Variants in EFR3B observed in about 807,000 individuals in gnomAD.
EFR3B encodes protein EFR3 homolog B.
Under a neutral mutation model 104.7 loss-of-function variants are expected in EFR3B, and 64 were observed. The observed-to-expected ratio is 0.61, with a 90% CI of 0.50 to 0.75. The LOEUF is 0.75. Ranked by LOEUF, EFR3B falls within the 30% of genes least tolerant of loss-of-function variation. The probability of loss-of-function intolerance (pLI) is 0.00; values close to 1 mark genes in which losing one functional copy is unlikely to be tolerated. For synonymous variants in EFR3B, 385 were observed against 417.9 expected (o/e 0.92, Z 0.96); for missense variants, 750 against 1,078.5 (o/e 0.70, Z 4.27).
rs1670417712 is a variant in EFR3B, at chr2:25,133,095, T to A, written c.1259+81T>A. 4 of 1,319,518 alleles carry A rather than the reference T, an allele frequency of 3.0e-6. No homozygotes were observed. In the East Asian group the frequency reaches 1.0e-4, roughly 33 times the overall value. 81.7% of individuals were successfully genotyped at this position (1,319,518 alleles called of 1,614,324 possible). A position where few individuals can be genotyped will look rare whatever the true frequency, so the allele number is the denominator to read the frequency against. ...TGACCCCCTCCTTTATCCCTCTTAATTTTCTTGGCTCTGCCCTCTGCTCTC... is the reference window on the plus strand; with the variant it reads ...TGACCCCCTCCTTTATCCCTCTTAAATTTCTTGGCTCTGCCCTCTGCTCTC... On this transcript the variant is annotated intron_variant, in intron 11 of 22. Transcript: ENST00000403714.
chr2:25,045,963 C>T (rs1667704839), intron 1 of EFR3B, among the ~76,000 whole-genome samples: 2 of 152,190 alleles, frequency 1.3e-5, no homozygotes, highest in Non-Finnish European at 2.9e-5. Context: ...GCACCCCGAT[C>T]CCACTAACAC....
At chr2:25,056,153 A>G (rs1668015585) in intron 1 of EFR3B, among the ~76,000 whole-genome samples, 1 of 152,218 alleles carries the variant, frequency 6.6e-6, no homozygotes, top group Non-Finnish European at 1.5e-5. Flanking sequence ...ACATTTTGTC[A>G]TCTCAGCGTG....
chr2:25,133,048 C>CCT (rs1435476341), intron 11 of EFR3B, 34 bp downstream of exon 11: 1 of 1,523,992 alleles, frequency 6.6e-7, no homozygotes, highest in Admixed American at 2.0e-5. Context: ...CTGGAGTCCT[C>CCT]CTCTCCCCCA....
chr2:25,138,121 G>A (rs566669547), intron 15 of EFR3B, among the ~76,000 whole-genome samples: 104 of 152,296 alleles, frequency 6.8e-4, no homozygotes, highest in African/African-American at 2.5e-3. Context: ...GCAGTGAGCA[G>A]AGATTTCACC....
At chr2:25,052,174 C>T (rs1007345296) in intron 1 of EFR3B, among the ~76,000 whole-genome samples, 1 of 151,760 alleles carries the variant, frequency 6.6e-6, no homozygotes, top group African/African-American at 2.4e-5. Context: ...CCAGCCTGGG[C>T]AACAAGAGTG....
chr2:25,143,965 C>A, intron 18 of EFR3B, 103 bp downstream of exon 18: 1 of 1,420,552 alleles, frequency 7.0e-7, no homozygotes, highest in Non-Finnish European at 9.3e-7. Flanking sequence ...GCCTGTGAGG[C>A]ACCTTGGATG....
rs1311078733 is a variant in EFR3B, at chr2:25,123,577, A to G, written c.485+1783A>G. The stretch of plus-strand genomic sequence containing the variant: ...GGGGTATGGGAGGAAGGAGCCCCTC[A>G]TCCTCTCCCAGAATTAGCTTCCTGA... On this transcript the variant is annotated intron_variant, in intron 5 of 22. Coordinates refer to ENST00000403714, the MANE Select transcript of EFR3B (RefSeq NM_014971.2). Among the ~76,000 whole-genome samples, 4 of 152,084 alleles carry G rather than the reference A, an allele frequency of 2.6e-5. No individual in the cohort carries two copies. In the East Asian group the frequency reaches 5.8e-4, roughly 22 times the overall value.
intron 5 of EFR3B, among the ~76,000 whole-genome samples, chr2:25,122,066 A>C (rs1670032667): frequency 6.6e-6 from 1 of 151,660 alleles, no homozygotes; most frequent in Non-Finnish European, 1.5e-5. Flanking sequence ...TCCCAGGTTC[A>C]AGTGATTCTC....
intron 1 of EFR3B, among the ~76,000 whole-genome samples, chr2:25,059,936 G>A (rs1032218132): frequency 1.4e-5 from 2 of 148,114 alleles, no homozygotes; most frequent in African/African-American, 2.5e-5. Context: ...GCTTAGGCCT[G>A]TAATCTAATC....
At chr2:25,044,616 A>G (rs958658211) in intron 1 of EFR3B, among the ~76,000 whole-genome samples, 1 of 152,060 alleles carries the variant, frequency 6.6e-6, no homozygotes, top group Non-Finnish European at 1.5e-5. Flanking sequence ...TGTGTGTCCT[A>G]TAAAGTCTCA....
rs149547386 is a variant in EFR3B at position 25,072,442 on chromosome 2, G to A, written c.8-18883G>A. ...ATTACAGGTGCATGCTACCACACTG[G>A]GCTAATTTTTGCATTTTTTGGTAGA... On this transcript the variant is annotated intron_variant, in intron 1 of 22. Transcript: ENST00000403714. Among the ~76,000 whole-genome samples, 4 of 152,072 alleles carry A rather than the reference G, an allele frequency of 2.6e-5. No individual in the cohort carries two copies. The East Asian group carries it at 7.7e-4, about 29-fold the overall frequency.
At chr2:25,151,075 C>A (rs1670994127) in intron 20 of EFR3B, among the ~76,000 whole-genome samples, 1 of 147,998 alleles carries the variant, frequency 6.8e-6, no homozygotes, top group African/African-American at 2.5e-5. Flanking sequence ...AAAAAAAAAA[C>A]TCAACAGTAT....
intron 1 of EFR3B, among the ~76,000 whole-genome samples, chr2:25,046,402 C>A (rs1329767632): frequency 6.6e-6 from 1 of 151,996 alleles, no homozygotes. Flanking sequence ...AACAAAAAAC[C>A]ACACCGAAAA....
At chr2:25,081,311 C>A in intron 1 of EFR3B, 1 of 920,610 alleles carries the variant, frequency 1.1e-6, no homozygotes, top group Non-Finnish European at 1.7e-6. Flanking sequence ...GCGCCTTCAT[C>A]TCAACTTCTT....
chr2:25,135,473 A>G lies in EFR3B; in HGVS notation c.1318A>G (p.Thr440Ala). Residue 440 changes from threonine (T) to alanine (A), a missense_variant, in exon 13 of 23, where the codon ACA becomes GCA. Thr to Ala is a moderately conservative substitution (Grantham distance 58). Transcript: ENST00000403714. Reference protein sequence around the residue: ...MLLKSLLQVSTGFQCNNMMSA... With the variant: ...MLLKSLLQVSAGFQCNNMMSA... ...GTCCATACCTCCCTTGCAGGTATCC[A>G]CAGGTTTCCAGTGCAACAACATGAT... 6.4e-7 allele frequency: 1 copy of G among 1,551,718 alleles called. No homozygotes were observed. Among genetic ancestry groups the G allele is most frequent in the Non-Finnish European group, 8.7e-7 (1 of 1,146,994 alleles).
rs955666399 is a variant in EFR3B at position 25,114,402 on chromosome 2, C to T, written c.364-7271C>T. On this transcript the variant is annotated intron_variant, in intron 4 of 22. Transcript: ENST00000403714. This position sits in a 1 kb window ranked among gnomAD's most constrained non-coding sequence, Gnocchi z 4.0. ...CAAACCAAGGGATCCTAAGGAGGCT[C>T]GAGATCCTGGTACCAAAAAGGTGCT... Among the ~76,000 whole-genome samples the T allele has an allele frequency of 1.3e-5, 2 of 152,184 alleles. No homozygotes were observed. Among genetic ancestry groups the T allele is most frequent in the Non-Finnish European group, 2.9e-5 (2 of 68,044 alleles).
chr2:25,120,800 C>T (rs887392749), intron 4 of EFR3B, among the ~76,000 whole-genome samples: 6 of 152,230 alleles, frequency 3.9e-5, no homozygotes. Flanking sequence ...CACCCTGGTG[C>T]AGGAGGAATC....
rs985696956 is a variant in EFR3B, at chr2:25,133,375, G to A, written c.1260-8G>A. The A allele has an allele frequency of 5.2e-6, 8 of 1,552,212 alleles. No homozygotes were observed. The African/African-American group carries it at 1.1e-4, about 21-fold the overall frequency. On this transcript the variant is annotated splice_polypyrimidine_tract_variant and splice_region_variant and intron_variant, in intron 11 of 22. Coordinates refer to ENST00000403714, the MANE Select transcript of EFR3B (RefSeq NM_014971.2). ...ATCCTGGTGAGTGTTTGTGTCTCTG[G>A]TCTACAGGGAGAATAGGAACCGTCT...
At chr2:25,065,040 G>C (rs1431696065) in intron 1 of EFR3B, among the ~76,000 whole-genome samples, 1 of 151,966 alleles carries the variant, frequency 6.6e-6, no homozygotes, top group Admixed American at 6.6e-5. Flanking sequence ...CACTGCTGGT[G>C]TTAGAAGCAG....
Sources: allele counts gnomAD v4.1 joint callset (sites outside exome capture counted in the v4.1 genomes callset), GRCh38; gene constraint gnomAD v4.1.1; non-coding constraint Gnocchi (gnomAD v3.1); transcripts MANE v1.5; gene names NCBI Gene and HGNC (gene_info 2026-07-23, HGNC 2026-07-21).